Variants in ABCA9 observed in about 807,000 individuals in gnomAD.
ABCA9 encodes ATP-binding cassette sub-family A member 9.
In ABCA9, 183 loss-of-function variants were observed where a neutral mutation model predicts 205.3. The observed-to-expected ratio is 0.89, with a 90% confidence interval of 0.79 to 1.01. The LOEUF (loss-of-function observed/expected upper bound fraction) is 1.01, where lower values mean the gene tolerates loss of function less well. ABCA9 is among the 50% of genes least tolerant of loss of function. The pLI is 0.00. For synonymous variants in ABCA9, 651 were observed against 683.3 expected (o/e 0.95, Z 0.74); for missense variants, 1,805 against 1,912.4 (o/e 0.94, Z 1.05).
chr17:69,047,464 C>G (rs907359386), intron 3 of ABCA9, among the ~76,000 whole-genome samples: 10 of 151,690 alleles, frequency 6.6e-5, no homozygotes, highest in African/African-American at 2.2e-4. Context: ...AAAACAAGTC[C>G]TTCCCTGACC....
At chr17:69,041,414 TA>T (rs1255220834) in intron 6 of ABCA9, among the ~76,000 whole-genome samples, 1 of 152,148 alleles carries the variant, frequency 6.6e-6, no homozygotes, top group Non-Finnish European at 1.5e-5. Context: ...TATCATTTTT[TA>T]AAAAATAGGC....
chr17:69,018,646 G>T, intron 19 of ABCA9, 67 bp from the exon 20 acceptor site: 2 of 1,183,182 alleles, frequency 1.7e-6, no homozygotes, highest in Non-Finnish European at 1.2e-6. Context: ...TAAGTTTGAA[G>T]GTATAATGAA....
intron 34 of ABCA9, among the ~76,000 whole-genome samples, chr17:68,984,636 T>C (rs891991804): frequency 2.6e-5 from 4 of 152,246 alleles, no homozygotes; most frequent in African/African-American, 9.6e-5. Flanking sequence ...ATAGATTGAT[T>C]TGGCTGTATA....
Position 68,984,124 on chromosome 17 carries a change from G to A in ABCA9, c.4431C>T (p.Thr1477=), listed in dbSNP as rs776692176. ...FRNTERGALL[T]THYMAEAEAV... ...CCTCAGCCTCTGCCATGTAGTGGGT[G>A]GTCAGGAGGGCGCCCCTCTCCGTGT... Residue 1477 remains threonine (T), a synonymous_variant, in exon 35 of 39, where the codon ACC becomes ACT. Coordinates refer to ENST00000340001, the MANE Select transcript of ABCA9 (RefSeq NM_080283.4). 5 of 1,614,174 alleles carry A rather than the reference G, an allele frequency of 3.1e-6. No homozygotes were observed. Among genetic ancestry groups the A allele is most frequent in the East Asian group, 2.2e-5 (1 of 44,876 alleles).
chr17:69,036,871 CAAAAAAAAAA>C (rs781565554), intron 6 of ABCA9, among the ~76,000 whole-genome samples: 38 of 4,712 alleles, frequency 8.1e-3, no homozygotes, highest in African/African-American at 0.02. Context: ...AAATGGAAAG[CAAAAAAAAAA>C]AAAAAAAAAA....
intron 37 of ABCA9, among the ~76,000 whole-genome samples, chr17:68,979,732 T>C (rs878992361): frequency 2.6e-5 from 4 of 152,208 alleles, no homozygotes; most frequent in Non-Finnish European, 5.9e-5. Context: ...GCTAGCCATA[T>C]GTAGAAAGCT....
At chr17:69,040,154 C>A (rs2071484971) in intron 6 of ABCA9, among the ~76,000 whole-genome samples, 1 of 152,152 alleles carries the variant, frequency 6.6e-6, no homozygotes. Context: ...GTGGCAATTC[C>A]TCAAGGATCT....
intron 36 of ABCA9, 146 bp downstream of exon 36, chr17:68,983,563 C>A (rs184721832): frequency 8.0e-5 from 91 of 1,142,322 alleles, no homozygotes; most frequent in Non-Finnish European, 1.1e-4. Flanking sequence ...TTGTGTGAGC[C>A]CTTGGAATTG....
Position 69,044,553 on chromosome 17 carries a change from A to G in ABCA9, c.517T>C (p.Phe173Leu), listed in dbSNP as rs1362325275. The change falls in exon 5 of 39, where the codon TTC becomes CTC. Residue 173 changes from phenylalanine (F) to leucine (L), a missense_variant. Coordinates refer to ENST00000340001, the MANE Select transcript of ABCA9 (RefSeq NM_080283.4). ...AAAGCTACAAAGCCTTTCTCCCAGA[A>G]CTCTGAACCTTCACACTTCATTTTT... is the stretch of plus-strand genomic sequence containing the variant. The part of the protein sequence containing the change: ...NEKMKCEGSE[F>L]WEKGFVAFQA... 10 of 1,613,094 alleles carry G rather than the reference A, an allele frequency of 6.2e-6. No homozygotes were observed. The highest frequency in any genetic ancestry group is 8.5e-6 in the Non-Finnish European group (10 of 1,179,588).
At chr17:68,979,628 C>T (rs1418095971) in intron 37 of ABCA9, among the ~76,000 whole-genome samples, 1 of 151,650 alleles carries the variant, frequency 6.6e-6, no homozygotes, top group Admixed American at 6.6e-5. Context: ...GAAATAATGC[C>T]ACATATCTAC....
At chr17:69,009,433 A>G (rs1477433155) in intron 23 of ABCA9, among the ~76,000 whole-genome samples, 1 of 152,128 alleles carries the variant, frequency 6.6e-6, no homozygotes, top group African/African-American at 2.4e-5. Context: ...TGTTCTGGGA[A>G]GCTAGAAAGA....
intron 22 of ABCA9, among the ~76,000 whole-genome samples, chr17:69,014,563 T>C (rs1216219128): frequency 3.9e-5 from 6 of 152,064 alleles, no homozygotes; most frequent in African/African-American, 1.4e-4. Flanking sequence ...CTAATACATA[T>C]AAATTACATG....
chr17:69,035,290 A>G lies in ABCA9; in HGVS notation c.1084T>C (p.Leu362=). ...TRLPAFLEWT[L]CLLSPFAFTV... ...AAGGCAAAGGGGCTAAGAAGACACA[A>G]AGTCCATTCCAAAAATGCAGGAAGA... The change falls in exon 8 of 39, where the codon TTG becomes CTG. Residue 362 remains leucine, a synonymous_variant. Coordinates refer to ENST00000340001, the MANE Select transcript of ABCA9 (RefSeq NM_080283.4). 1 of 1,606,170 alleles carries G rather than the reference A, an allele frequency of 6.2e-7. No homozygotes were observed. The highest frequency in any genetic ancestry group is 8.5e-7 in the Non-Finnish European group (1 of 1,176,198).
At chr17:68,991,026 T>G (rs2069433752) in intron 28 of ABCA9, 69 bp from the exon 29 acceptor site, 1 of 1,536,176 alleles carries the variant, frequency 6.5e-7, no homozygotes, top group Non-Finnish European at 8.8e-7. Flanking sequence ...TAATGAATTT[T>G]CTCTATACTT....
intron 37 of ABCA9, among the ~76,000 whole-genome samples, chr17:68,980,820 C>A (rs1481644477): frequency 6.6e-6 from 1 of 150,666 alleles, no homozygotes; most frequent in South Asian, 2.1e-4. Flanking sequence ...TGTTAAATGA[C>A]GAGTTACTGG....
intron 8 of ABCA9, 34 bp downstream of exon 8, chr17:69,035,210 GTT>G: frequency 1.4e-6 from 2 of 1,453,274 alleles, no homozygotes; most frequent in South Asian, 1.6e-5. Context: ...GTGTAGAACG[GTT>G]TGTAAAAAGT....
chr17:69,053,537 A>C (rs2071974756), intron 1 of ABCA9, among the ~76,000 whole-genome samples: 1 of 152,202 alleles, frequency 6.6e-6, no homozygotes, highest in Non-Finnish European at 1.5e-5. Context: ...TAAATGCCTA[A>C]TATTAAAAAA....
intron 25 of ABCA9, among the ~76,000 whole-genome samples, chr17:69,002,391 A>C (rs1343197055): frequency 1.5e-4 from 17 of 115,044 alleles, no homozygotes; most frequent in African/African-American, 3.2e-4. Context: ...GTAGTCATTC[A>C]GGAGCAGGTT....
Position 69,007,766 on chromosome 17 carries a change from A to G in ABCA9, c.3428T>C (p.Phe1143Ser). The G allele has an allele frequency of 6.4e-7, 1 of 1,571,914 alleles. No individual in the cohort carries two copies. The highest frequency in any genetic ancestry group is 8.8e-7 in the Non-Finnish European group (1 of 1,142,608). ...TAGTATATGCATACTCACAATTAAG[A>G]AGAAAAATGACCAAATGCCACTATT... is the stretch of plus-strand genomic sequence containing the variant. ...RKNSGIWSFF[F>S]LIVVIFSIVA... is the part of the protein sequence containing the mutation. The change falls in exon 25 of 39, where the codon TTC becomes TCC. Residue 1143 changes from phenylalanine to serine, a missense_variant. By Grantham distance (155) the Phe-to-Ser change is radical (BLOSUM62 -2). Transcript: ENST00000340001.
Sources: allele counts gnomAD v4.1 joint callset (sites outside exome capture counted in the v4.1 genomes callset), GRCh38; gene constraint gnomAD v4.1.1; transcripts MANE v1.5; gene names NCBI Gene and HGNC (gene_info 2026-07-23, HGNC 2026-07-21).